The following PARP12 variants were observed in gnomAD, a reference collection of about 807,000 sequenced individuals.
PARP12 encodes protein mono-ADP-ribosyltransferase PARP12.
PARP12 carries 59 observed loss-of-function variants against 72.4 expected under a neutral mutation model. That is an observed-to-expected ratio of 0.81 (90% CI 0.66 to 1.01). PARP12 has a LOEUF of 1.01. Ranked by LOEUF, PARP12 falls within the 50% of genes least tolerant of loss-of-function variation. The pLI is 0.00. For missense variants in PARP12, 851 were observed against 914.0 expected (o/e 0.93, Z 0.89); for synonymous variants, 403 against 371.4 (o/e 1.09, Z -0.98).
At position 140,050,349 on chromosome 7, in the gene PARP12, C is replaced by T. The variant is rs115054866; in HGVS notation, c.863-3342G>A. On this transcript the variant is annotated intron_variant, in intron 4 of 11. Transcript: ENST00000263549. The stretch of plus-strand genomic sequence containing the variant: ...GTGAAGGAAGCTTGCTGTGCACTTC[C>T]TAGTTAAACTAAGTGTGAATATAAG... Among the ~76,000 whole-genome samples the T allele has an allele frequency of 5.2e-4, 79 of 152,210 alleles. 1 individual carries two copies. The highest frequency in any genetic ancestry group is 1.8e-3 in the African/African-American group (74 of 41,540).
At chr7:140,039,970 G>GGAGGAGACCGGCCCC (rs1177157709) in intron 6 of PARP12, among the ~76,000 whole-genome samples, 6 of 152,190 alleles carry the variant, frequency 3.9e-5, no homozygotes, top group African/African-American at 1.4e-4. Flanking sequence ...TTGGCTGACT[G>GGAGGAGACCGGCCCC]GAGGAGACCG....
In PARP12 at chr7:140,057,086, T is replaced by C. The variant is rs901139866; in HGVS notation, c.530A>G (p.Lys177Arg). The C allele has an allele frequency of 5.0e-6, 8 of 1,614,098 alleles. No homozygotes were observed. The African/African-American group carries it at 8.0e-5, about 16-fold the overall frequency. Residue 177 changes from lysine to arginine, a missense_variant, in exon 3 of 12, where the codon AAG becomes AGG. By Grantham distance (26) the Lys-to-Arg change is conservative. Coordinates refer to ENST00000263549, the MANE Select transcript of PARP12 (RefSeq NM_022750.4). ...GSCAFQKQCI[K>R]LHICQYFLQG... ...TAAAAAATACTGGCAGATATGGAGC[T>C]TGATGCACTGCTTTTGAAAGGCACA... is the stretch of plus-strand genomic sequence containing the variant.
chr7:140,033,634 G>A (rs910811582), intron 8 of PARP12: 6 of 985,324 alleles, frequency 6.1e-6, no homozygotes, highest in Non-Finnish European at 4.8e-6. Flanking sequence ...GTTGAGATAG[G>A]GTCTGATCAG....
chr7:140,025,000 C>A, intron 11 of PARP12, 115 bp from the exon 12 acceptor site: 1 of 885,102 alleles, frequency 1.1e-6, no homozygotes, highest in Non-Finnish European at 1.7e-6. Flanking sequence ...TCTTCCACCC[C>A]GCATCTCCCT....
At chr7:140,044,286 A>G (rs967845946) in intron 5 of PARP12, among the ~76,000 whole-genome samples, 6 of 152,240 alleles carry the variant, frequency 3.9e-5, no homozygotes, top group Non-Finnish European at 8.8e-5. Flanking sequence ...TTATTTGGAA[A>G]TAGGGTCTTT....
intron 2 of PARP12, chr7:140,057,366 A>G: frequency 1.7e-6 from 1 of 582,950 alleles, no homozygotes; most frequent in East Asian, 2.9e-5. Flanking sequence ...GACTGCACAG[A>G]ATCAGCCCCT....
At chr7:140,044,437 G>A (rs756314505) in intron 5 of PARP12, among the ~76,000 whole-genome samples, 3 of 152,170 alleles carry the variant, frequency 2.0e-5, no homozygotes, top group Non-Finnish European at 4.4e-5. Context: ...AGATTGGAGT[G>A]ACGCGTCTAC....
intron 8 of PARP12, among the ~76,000 whole-genome samples, chr7:140,029,644 GA>G (rs1005035993): frequency 1.3e-5 from 2 of 148,560 alleles, no homozygotes; most frequent in African/African-American, 2.5e-5. Context: ...ATGTTTAAAG[GA>G]AAAAAAAAGA....
rs543027887 is a variant in PARP12, at chr7:140,056,613, C to A, written c.760+243G>T. On this transcript the variant is annotated intron_variant, in intron 3 of 11. Transcript: ENST00000263549. The stretch of plus-strand genomic sequence containing the variant: ...ACTAGGCCCATCCAGAATTCACTCA[C>A]CATCAATACCAATTCACATTTGTCT... Among the ~76,000 whole-genome samples, 12 of 152,280 alleles carry A rather than the reference C, an allele frequency of 7.9e-5. 1 individual carries two copies. The highest frequency in any genetic ancestry group is 2.9e-4 in the African/African-American group (12 of 41,540).
At chr7:140,025,919 T>C (rs1261593174) in intron 11 of PARP12, among the ~76,000 whole-genome samples, 2 of 152,204 alleles carry the variant, frequency 1.3e-5, no homozygotes, top group Admixed American at 6.5e-5. Context: ...CCCTCTCCTC[T>C]CCCGTCTCTG....
chr7:140,045,043 T>A (rs76168086), intron 5 of PARP12, among the ~76,000 whole-genome samples: 1 of 151,676 alleles, frequency 6.6e-6, no homozygotes, highest in Non-Finnish European at 1.5e-5. Flanking sequence ...TTTTTTTTTT[T>A]AATAGAGACA....
intron 9 of PARP12, among the ~76,000 whole-genome samples, chr7:140,028,310 T>C (rs887711604): frequency 2.0e-5 from 3 of 152,106 alleles, no homozygotes; most frequent in African/African-American, 7.2e-5. Flanking sequence ...AATTGGTATT[T>C]ATTGGTTAAG....
rs776676302 is a variant in PARP12, at chr7:140,057,890, G to T, written c.462+9C>A. The T allele has an allele frequency of 2.5e-6, 4 of 1,614,024 alleles. No individual in the cohort carries two copies. Among genetic ancestry groups the T allele is most frequent in the Non-Finnish European group, 3.4e-6 (4 of 1,179,998 alleles). On this transcript the variant is annotated intron_variant, in intron 2 of 11. Transcript: ENST00000263549. ...GAGCTGTGGAACCCAGACTTCCCCT[G>T]GCACTCACTTCTGGCAAAAGCCAGG... is the stretch of plus-strand genomic sequence containing the variant.
chr7:140,045,171 A>G (rs984596301), intron 5 of PARP12, among the ~76,000 whole-genome samples: 1 of 152,142 alleles, frequency 6.6e-6, no homozygotes, highest in Non-Finnish European at 1.5e-5. Context: ...CTGGGACTAC[A>G]GGCACGCGCC....
At chr7:140,038,864 G>A (rs1461207160) in intron 6 of PARP12, among the ~76,000 whole-genome samples, 1 of 152,098 alleles carries the variant, frequency 6.6e-6, no homozygotes, top group African/African-American at 2.4e-5. Flanking sequence ...CAGCAATGGA[G>A]AAGGGGAAAA....
Position 140,024,632 on chromosome 7 carries a change from G to T in PARP12, c.2034C>A (p.Thr678=). 1 of 1,614,142 alleles carries T rather than the reference G, an allele frequency of 6.2e-7. No homozygotes were observed. Among genetic ancestry groups the T allele is most frequent in the Non-Finnish European group, 8.5e-7 (1 of 1,180,026 alleles). The change falls in exon 12 of 12, where the codon ACC becomes ACA. Residue 678 remains threonine (T), a synonymous_variant. Transcript: ENST00000263549. ...GTGTGACCGAGGGCTTGGAGGAGGT[G>T]GTGTACTGGATGACATACTCTGGGT... ...QVYPEYVIQY[T]TSSKPSVTPS...
rs1239016537 is a variant in PARP12 at position 140,041,818 on chromosome 7, G to A, written c.1008C>T (p.Ala336=). 6.2e-7 allele frequency: 1 copy of A among 1,613,894 alleles called. No individual in the cohort carries two copies. Among genetic ancestry groups the A allele is most frequent in the Non-Finnish European group, 8.5e-7 (1 of 1,179,862 alleles). The change falls in exon 6 of 12, where the codon GCC becomes GCT. Residue 336 remains alanine, a synonymous_variant. Coordinates refer to ENST00000263549, the MANE Select transcript of PARP12 (RefSeq NM_022750.4). ...KIERILCSES[A]STFHSHCLNF... Reference sequence around the variant, plus strand: ...TCAGACAATGAGAGTGAAAGGTACTGGCTGACTCAGAGCACAGGATCCTAC... The same window carrying A: ...TCAGACAATGAGAGTGAAAGGTACTAGCTGACTCAGAGCACAGGATCCTAC...
At chr7:140,047,939 A>G (rs1314891129) in intron 4 of PARP12, among the ~76,000 whole-genome samples, 4 of 152,128 alleles carry the variant, frequency 2.6e-5, no homozygotes, top group African/African-American at 4.8e-5. Flanking sequence ...ATGTATGTTG[A>G]TGGTTTATAT....
rs1815655157 is a variant in PARP12, at chr7:140,024,659, G to C, written c.2007C>G (p.Val669=). The change falls in exon 12 of 12, where the codon GTC becomes GTG. Residue 669 remains valine (V), a synonymous_variant. Transcript: ENST00000263549. ...TGTACTGGATGACATACTCTGGGTA[G>C]ACCTGGTGTTTCTCAAAGATCACAA... ...SIFVIFEKHQ[V]YPEYVIQYTT... 1.9e-6 allele frequency: 3 copies of C among 1,614,040 alleles called. No homozygotes were observed. The African/African-American group carries it at 4.0e-5, about 22-fold the overall frequency.
Sources: allele counts gnomAD v4.1 joint callset (sites outside exome capture counted in the v4.1 genomes callset), GRCh38; gene constraint gnomAD v4.1.1; transcripts MANE v1.5; gene names NCBI Gene and HGNC (gene_info 2026-07-23, HGNC 2026-07-21).